Variants in PDE3A observed in about 807,000 individuals in gnomAD.
PDE3A encodes phosphodiesterase 3A, also known as cGMP-inhibited 3',5'-cyclic phosphodiesterase 3A.
Under a neutral mutation model 98.3 loss-of-function variants are expected in PDE3A, and 43 were observed. The observed-to-expected ratio is 0.44, with a 90% confidence interval of 0.34 to 0.56. The LOEUF (loss-of-function observed/expected upper bound fraction) is 0.56, where lower values mean the gene tolerates loss of function less well. PDE3A is among the 20% of genes least tolerant of loss of function. The pLI, the probability that PDE3A is intolerant of heterozygous loss-of-function variation, is 0.01. For synonymous variants in PDE3A, 663 were observed against 567.9 expected, an observed-to-expected ratio of 1.17 and a Z score of -2.38; for missense variants, 1,427 against 1,440.7, an observed-to-expected ratio of 0.99 and a Z score of 0.15.
chr12:20,368,567 C>A lies in PDE3A; in HGVS notation c.-718C>A, dbSNP rs1300165611. Among the ~76,000 whole-genome samples the A allele has an allele frequency of 6.6e-6, 1 of 152,016 alleles. No homozygotes were observed. The highest frequency in any genetic ancestry group is 1.9e-4 in the East Asian group (1 of 5,144). Reference sequence around the variant, plus strand: ...TCTCTCGGTCTGGCTCTCTCTCCGACGGGACTTAGCAACTTCTTATTTCTC... The same window carrying A: ...TCTCTCGGTCTGGCTCTCTCTCCGAAGGGACTTAGCAACTTCTTATTTCTC... On this transcript the variant is annotated 5_prime_UTR_variant, in exon 1 of 16. Transcript: ENST00000359062.
At chr12:20,423,632 T>C (rs1944557650) in intron 1 of PDE3A, among the ~76,000 whole-genome samples, 1 of 152,178 alleles carries the variant, frequency 6.6e-6, no homozygotes. Flanking sequence ...ATGCGTAAGA[T>C]TTTAGAGCTG....
chr12:20,434,688 T>C (rs1204551594), intron 1 of PDE3A, among the ~76,000 whole-genome samples: 1 of 152,178 alleles, frequency 6.6e-6, no homozygotes, highest in Non-Finnish European at 1.5e-5. Context: ...AAATGCTGAC[T>C]GAGCTAAGAT....
At chr12:20,575,658 T>A (rs1279565466) in intron 2 of PDE3A, among the ~76,000 whole-genome samples, 2 of 151,994 alleles carry the variant, frequency 1.3e-5, no homozygotes, top group African/African-American at 2.4e-5. Flanking sequence ...CAGACTTTCA[T>A]CCAAGTGAAA....
chr12:20,511,167 CA>C (rs1268372467), intron 1 of PDE3A, among the ~76,000 whole-genome samples: 2 of 152,014 alleles, frequency 1.3e-5, no homozygotes, highest in Non-Finnish European at 2.9e-5. Flanking sequence ...CATGTTGATA[CA>C]AGTGGGTAGA....
chr12:20,551,281 A>G (rs1942190322), intron 1 of PDE3A, among the ~76,000 whole-genome samples: 1 of 151,948 alleles, frequency 6.6e-6, no homozygotes, highest in South Asian at 2.1e-4. Context: ...AACCCTTGAT[A>G]TCTTGAAGAT....
rs779495036 is a variant in PDE3A at position 20,682,244 on chromosome 12, TGAG to T, written c.*1974_*1976del. 2.0e-5 allele frequency: 3 copies of T among 152,224 alleles called. No individual in the cohort carries two copies. Among genetic ancestry groups the T allele is most frequent in the Non-Finnish European group, 4.4e-5 (3 of 68,032 alleles). 9.4% of individuals were successfully genotyped at this position (152,224 alleles called of 1,614,324 possible). On this transcript the variant is annotated 3_prime_UTR_variant, in exon 16 of 16. Transcript: ENST00000359062. ...AACACTGTTTGTTATGATTCTTCCT[TGAG>T]TACTTATATACAGACCTGCTCATTA...
At chr12:20,641,124 C>T (rs2121513971) in intron 10 of PDE3A, among the ~76,000 whole-genome samples, 1 of 152,136 alleles carries the variant, frequency 6.6e-6, no homozygotes, top group South Asian at 2.1e-4. Flanking sequence ...TCCCATCCAC[C>T]TGCTACATTG....
intron 1 of PDE3A, among the ~76,000 whole-genome samples, chr12:20,533,550 C>T (rs924684010): frequency 9.4e-5 from 14 of 148,610 alleles, no homozygotes; most frequent in Non-Finnish European, 1.8e-4. Flanking sequence ...GGCGCCATTT[C>T]GGCTCACTGC....
At chr12:20,394,898 A>G (rs10841503) in intron 1 of PDE3A, among the ~76,000 whole-genome samples, 41,635 of 151,698 alleles carry the variant, frequency 0.27, 6,467 homozygotes, top group East Asian at 0.56. Flanking sequence ...TCAGAGGACA[A>G]CTCCCTATAA....
chr12:20,390,312 A>C (rs1403866106), intron 1 of PDE3A, among the ~76,000 whole-genome samples: 1 of 151,966 alleles, frequency 6.6e-6, no homozygotes, highest in African/African-American at 2.4e-5. Context: ...TGATGTGAAC[A>C]GATTAAACAT....
intron 1 of PDE3A, among the ~76,000 whole-genome samples, chr12:20,511,968 C>A (rs190836106): frequency 6.6e-6 from 1 of 151,830 alleles, no homozygotes; most frequent in East Asian, 1.9e-4. Flanking sequence ...TCAGACAAAC[C>A]CATTTGAGGG....
In PDE3A at chr12:20,633,873, T is replaced by A. The variant is rs3858661; in HGVS notation, c.1846+95T>A. On this transcript the variant is annotated intron_variant, in intron 7 of 15. Coordinates refer to ENST00000359062, the MANE Select transcript of PDE3A (RefSeq NM_000921.5). ...AGTGATCTACATTTCTGATATTTTGTGGGGCGCTGGGAGACGGGGTCTCAT... is the reference window on the plus strand; with the variant it reads ...AGTGATCTACATTTCTGATATTTTGAGGGGCGCTGGGAGACGGGGTCTCAT... The A allele has an allele frequency of 8.7e-4, 618 of 711,316 alleles. 3 individuals are homozygous for A. In the African/African-American group the frequency reaches 1.0e-2, roughly 11 times the overall value. The allele number at this position is 711,316 out of a possible 1,614,324, so 44.1% of individuals were successfully genotyped here.
chr12:20,432,602 T>C (rs1944715994), intron 1 of PDE3A, among the ~76,000 whole-genome samples: 1 of 152,200 alleles, frequency 6.6e-6, no homozygotes, highest in African/African-American at 2.4e-5. Flanking sequence ...TTTTTGCATG[T>C]CGATCATACC....
chr12:20,382,419 A>T (rs1301285909), intron 1 of PDE3A, among the ~76,000 whole-genome samples: 1 of 151,928 alleles, frequency 6.6e-6, no homozygotes, highest in Non-Finnish European at 1.5e-5. Flanking sequence ...ACATTCATAA[A>T]TGTTTCACTT....
intron 2 of PDE3A, among the ~76,000 whole-genome samples, chr12:20,573,897 A>T (rs527406450): frequency 6.6e-6 from 1 of 152,202 alleles, no homozygotes; most frequent in African/African-American, 2.4e-5. Flanking sequence ...AATGTGCAGG[A>T]AAACAAAAAC....
At chr12:20,500,776 T>C (rs1946009473) in intron 1 of PDE3A, among the ~76,000 whole-genome samples, 1 of 151,006 alleles carries the variant, frequency 6.6e-6, no homozygotes, top group East Asian at 1.9e-4. Context: ...TTCTTTTTTT[T>C]TTTTTTTTTG....
At chr12:20,386,088 TAA>T (rs1491236767) in intron 1 of PDE3A, among the ~76,000 whole-genome samples, 2 of 33,768 alleles carry the variant, frequency 5.9e-5, no homozygotes, top group African/African-American at 2.0e-4. Context: ...TATAAATATA[TAA>T]ATATATATAA....
At chr12:20,628,350 A>G (rs1944312221) in intron 5 of PDE3A, among the ~76,000 whole-genome samples, 1 of 152,206 alleles carries the variant, frequency 6.6e-6, no homozygotes, top group Non-Finnish European at 1.5e-5. Flanking sequence ...ATCTTTGGAA[A>G]AATAAATGAG....
At chr12:20,554,359 T>TA (rs1370732662) in intron 1 of PDE3A, among the ~76,000 whole-genome samples, 1,671 of 8,560 alleles carry the variant, frequency 0.2, 24 homozygotes, top group Middle Eastern at 0.5. Flanking sequence ...TTTTCACAGA[T>TA]AAAAAAAAAA....
Sources: allele counts gnomAD v4.1 joint callset (sites outside exome capture counted in the v4.1 genomes callset), GRCh38; gene constraint gnomAD v4.1.1; transcripts MANE v1.5; gene names NCBI Gene and HGNC (gene_info 2026-07-23, HGNC 2026-07-21).